The following SSBP3 variants were observed in gnomAD, a reference collection of about 807,000 sequenced individuals.
The protein encoded by SSBP3 is single stranded DNA binding protein 3, also known as single-stranded DNA-binding protein 3.
SSBP3 carries 5 observed loss-of-function variants against 69.6 expected under a neutral mutation model. That is an observed-to-expected ratio of 0.07 (90% CI 0.04 to 0.15). The LOEUF (loss-of-function observed/expected upper bound fraction) is 0.15, where lower values mean the gene tolerates loss of function less well. SSBP3 is among the 10% of genes least tolerant of loss of function. The pLI is 1.00. For missense variants in SSBP3, 312 were observed against 534.0 expected, an observed-to-expected ratio of 0.58 and a Z score of 4.10; for synonymous variants, 196 against 193.4, an observed-to-expected ratio of 1.01 and a Z score of -0.11.
chr1:54,334,809 C>T lies in SSBP3; in HGVS notation c.277-53282G>A, dbSNP rs193002641. Among the ~76,000 whole-genome samples the T allele has an allele frequency of 4.6e-5, 7 of 152,366 alleles. No homozygotes were observed. In the East Asian group the frequency reaches 1.3e-3, roughly 29 times the overall value. On this transcript the variant is annotated intron_variant, in intron 4 of 17. Coordinates refer to ENST00000610401, the Ensembl canonical transcript of SSBP3. ...GCCAACTGCTGCCACACAGAGCCGA[C>T]TGGCAGCTACATTCAAGGGCCACTT...
chr1:54,402,861 T>A (rs1649409297), intron 3 of SSBP3, among the ~76,000 whole-genome samples: 1 of 152,164 alleles, frequency 6.6e-6, no homozygotes, highest in South Asian at 2.1e-4. Flanking sequence ...ACAAGGGACC[T>A]AAGAAACTCT....
chr1:54,246,802 G>A (rs1216637652), intron 9 of SSBP3, among the ~76,000 whole-genome samples: 1 of 152,244 alleles, frequency 6.6e-6, no homozygotes, highest in African/African-American at 2.4e-5. Context: ...TGTCAGGAGC[G>A]AGTAGCAGGC....
intron 4 of SSBP3, among the ~76,000 whole-genome samples, chr1:54,297,854 T>G (rs2100983460): frequency 6.6e-6 from 1 of 152,314 alleles, no homozygotes; most frequent in South Asian, 2.1e-4. Flanking sequence ...AATCATGTAG[T>G]GAGCTTTGCA....
At chr1:54,253,515 C>T (rs758977825) in intron 7 of SSBP3, among the ~76,000 whole-genome samples, 17 of 152,144 alleles carry the variant, frequency 1.1e-4, no homozygotes, top group South Asian at 2.1e-4. Flanking sequence ...TTAGCACCTG[C>T]TGTTTCCGTC....
intron 4 of SSBP3, among the ~76,000 whole-genome samples, chr1:54,289,037 CAAAAAAACAA>C (rs1645552056): frequency 8.1e-5 from 5 of 62,090 alleles, no homozygotes; most frequent in South Asian, 4.4e-4. Flanking sequence ...AAAAAAAAAA[CAAAAAAACAA>C]AAAAAAAAAA....
chr1:54,327,361 G>A lies in SSBP3; in HGVS notation c.277-45834C>T, dbSNP rs149230087. Among the ~76,000 whole-genome samples the A allele has an allele frequency of 1.9e-3, 285 of 152,130 alleles. 5 individuals carry two copies. The East Asian group carries it at 0.045, about 24-fold the overall frequency. On this transcript the variant is annotated intron_variant, in intron 4 of 17. Coordinates refer to ENST00000610401, the Ensembl canonical transcript of SSBP3. ...TCCATCTGCTTTTGTTTTCCATCAC[G>A]TTCCTTTCAAGGCCTGGGATCTGCT...
chr1:54,288,835 G>A (rs529328372), intron 4 of SSBP3, among the ~76,000 whole-genome samples: 1 of 151,970 alleles, frequency 6.6e-6, no homozygotes, highest in African/African-American at 2.4e-5. Flanking sequence ...TGGCTAACAC[G>A]TGAAACCAAG....
At chr1:54,296,687 T>C (rs983802698) in intron 4 of SSBP3, among the ~76,000 whole-genome samples, 2 of 152,212 alleles carry the variant, frequency 1.3e-5, no homozygotes, top group Non-Finnish European at 2.9e-5. Flanking sequence ...GGGTCAAGTT[T>C]CTGCTGCATC....
At chr1:54,235,276 T>G (rs1433287944) in intron 14 of SSBP3, among the ~76,000 whole-genome samples, 2 of 45,126 alleles carry the variant, frequency 4.4e-5, no homozygotes. Context: ...ATGTCCAGTT[T>G]TTTTTTTTTT....
chr1:54,295,883 T>C (rs1290381501), intron 4 of SSBP3, among the ~76,000 whole-genome samples: 1 of 152,234 alleles, frequency 6.6e-6, no homozygotes, highest in African/African-American at 2.4e-5. Flanking sequence ...CAGGATGATT[T>C]ATTCACCCTC....
chr1:54,321,191 C>T (rs1042227957), intron 4 of SSBP3, among the ~76,000 whole-genome samples: 8 of 152,230 alleles, frequency 5.3e-5, no homozygotes, highest in African/African-American at 1.7e-4. Context: ...CGTTGACCCA[C>T]AGGGCCTTGG....
intron 4 of SSBP3, among the ~76,000 whole-genome samples, chr1:54,284,701 T>TCA (rs1478291589): frequency 6.6e-6 from 1 of 152,040 alleles, no homozygotes; most frequent in Non-Finnish European, 1.5e-5. Context: ...ACTCCTGCCC[T>TCA]CAAGCAATCC....
At chr1:54,331,623 G>A (rs1646412099) in intron 4 of SSBP3, among the ~76,000 whole-genome samples, 1 of 152,192 alleles carries the variant, frequency 6.6e-6, no homozygotes, top group Non-Finnish European at 1.5e-5. Flanking sequence ...ATTTGCCTGT[G>A]CCGGGCTATC....
At chr1:54,308,618 A>T (rs1645943130) in intron 4 of SSBP3, among the ~76,000 whole-genome samples, 1 of 146,032 alleles carries the variant, frequency 6.8e-6, no homozygotes, top group Non-Finnish European at 1.5e-5. Flanking sequence ...AAAAAAAAAA[A>T]TTAGCCGGGC....
intron 7 of SSBP3, among the ~76,000 whole-genome samples, chr1:54,256,186 C>T (rs1425997115): frequency 6.7e-6 from 1 of 148,536 alleles, no homozygotes; most frequent in Non-Finnish European, 1.5e-5. Flanking sequence ...AAAAGCATCA[C>T]ACTCAGACAA....
At chr1:54,367,576 T>C (rs1647048981) in intron 4 of SSBP3, among the ~76,000 whole-genome samples, 1 of 152,198 alleles carries the variant, frequency 6.6e-6, no homozygotes, top group African/African-American at 2.4e-5. Context: ...GTCCCAGCAC[T>C]CTGGTGCCAG....
intron 4 of SSBP3, among the ~76,000 whole-genome samples, chr1:54,364,143 G>T (rs375613522): frequency 6.6e-6 from 1 of 152,228 alleles, no homozygotes; most frequent in African/African-American, 2.4e-5. Context: ...TGTAAATAAA[G>T]TTTTATTGGG....
At chr1:54,354,508 C>T (rs1471727117) in intron 4 of SSBP3, among the ~76,000 whole-genome samples, 1 of 152,158 alleles carries the variant, frequency 6.6e-6, no homozygotes, top group Non-Finnish European at 1.5e-5. Flanking sequence ...CACACTACCA[C>T]TCTTGTCATG....
intron 4 of SSBP3, among the ~76,000 whole-genome samples, chr1:54,361,721 C>CA (rs1407455143): frequency 6.6e-6 from 1 of 152,102 alleles, no homozygotes; most frequent in African/African-American, 2.4e-5. Context: ...AGAGCATCTA[C>CA]AAGCAGCAGA....
Sources: allele counts gnomAD v4.1 joint callset (sites outside exome capture counted in the v4.1 genomes callset), GRCh38; gene constraint gnomAD v4.1.1; transcripts MANE v1.5; gene names NCBI Gene and HGNC (gene_info 2026-07-23, HGNC 2026-07-21).